The following TTC7B variants were observed in gnomAD, a reference collection of about 807,000 sequenced individuals.
The protein encoded by TTC7B is tetratricopeptide repeat domain 7B.
In TTC7B, 28 loss-of-function variants were observed where a neutral mutation model predicts 106.8. The observed-to-expected ratio is 0.26, with a 90% CI of 0.19 to 0.36. The LOEUF (loss-of-function observed/expected upper bound fraction) is 0.36, where lower values mean the gene tolerates loss of function less well. TTC7B is among the 10% of genes least tolerant of loss of function. TTC7B has a pLI of 1.00. For missense variants in TTC7B, 862 were observed against 1,076.4 expected, an observed-to-expected ratio of 0.80 and a Z score of 2.79; for synonymous variants, 405 against 430.6, an observed-to-expected ratio of 0.94 and a Z score of 0.74.
Position 90,657,106 on chromosome 14 carries a change from A to G in TTC7B, c.1341+68T>C, listed in dbSNP as rs1467220170. The G allele has an allele frequency of 2.3e-6, 3 of 1,329,450 alleles. No homozygotes were observed. Among genetic ancestry groups the G allele is most frequent in the African/African-American group, 2.9e-5 (2 of 68,766 alleles). The allele number at this position is 1,329,450 out of a possible 1,614,324, so 82.4% of individuals were successfully genotyped here. A position where few individuals can be genotyped will look rare whatever the true frequency, so the allele number is the denominator to read the frequency against. On this transcript the variant is annotated intron_variant, in intron 11 of 19. Coordinates refer to ENST00000328459, the MANE Select transcript of TTC7B (RefSeq NM_001010854.2). The surrounding 1 kb of genome is among the most constrained non-coding windows in gnomAD (Gnocchi z 4.2). ...CCTCGCTTTCTCTCTGTGCCTCGAC[A>G]TGAAAAAAATGGGCAGTCCTGGCCC... is the stretch of plus-strand genomic sequence containing the variant.
At chr14:90,597,405 C>T (rs1892247968) in intron 17 of TTC7B, among the ~76,000 whole-genome samples, 1 of 152,136 alleles carries the variant, frequency 6.6e-6, no homozygotes, top group Non-Finnish European at 1.5e-5. Context: ...TGCCTGTAAC[C>T]CCAGCACCGT....
At chr14:90,650,504 C>G (rs11621891) in intron 13 of TTC7B, among the ~76,000 whole-genome samples, 18,983 of 152,130 alleles carry the variant, frequency 0.12, 1,259 homozygotes, top group African/African-American at 0.17. Context: ...GCTGATCACC[C>G]TATATGCACA....
intron 17 of TTC7B, among the ~76,000 whole-genome samples, chr14:90,598,003 G>A (rs1254069913): frequency 6.6e-6 from 1 of 152,246 alleles, no homozygotes; most frequent in Non-Finnish European, 1.5e-5. Context: ...AGGTTCAACA[G>A]GTAAGCCAGG....
chr14:90,656,913 T>C (rs1885968214), intron 11 of TTC7B, among the ~76,000 whole-genome samples: 1 of 152,182 alleles, frequency 6.6e-6, no homozygotes, highest in South Asian at 2.1e-4. Flanking sequence ...TATAATTCTG[T>C]CTTATTATCA....
intron 19 of TTC7B, among the ~76,000 whole-genome samples, chr14:90,548,820 A>T (rs1889948296): frequency 6.6e-6 from 1 of 152,162 alleles, no homozygotes; most frequent in South Asian, 2.1e-4. Context: ...CTTGCCATGG[A>T]GAGGGTGAAA....
chr14:90,800,764 T>C (rs1439461020), intron 1 of TTC7B, among the ~76,000 whole-genome samples: 1 of 151,896 alleles, frequency 6.6e-6, no homozygotes, highest in Non-Finnish European at 1.5e-5. Flanking sequence ...TGAGCCAAGA[T>C]TGCGCCACTG....
chr14:90,635,215 T>C (rs559374149), intron 15 of TTC7B, among the ~76,000 whole-genome samples: 1 of 152,238 alleles, frequency 6.6e-6, no homozygotes, highest in African/African-American at 2.4e-5. Context: ...TAAAATTTCT[T>C]GGGTAATCAC....
At chr14:90,723,528 G>A (rs999845222) in intron 5 of TTC7B, among the ~76,000 whole-genome samples, 1 of 152,012 alleles carries the variant, frequency 6.6e-6, no homozygotes, top group African/African-American at 2.4e-5. Flanking sequence ...TCTGATTCTT[G>A]AACACTCCAA....
At chr14:90,641,204 T>TA (rs1402074452) in intron 15 of TTC7B, among the ~76,000 whole-genome samples, 2 of 152,210 alleles carry the variant, frequency 1.3e-5, no homozygotes, top group Non-Finnish European at 1.5e-5. Context: ...TCAAAGTACT[T>TA]AAACAGCAAG....
intron 17 of TTC7B, among the ~76,000 whole-genome samples, chr14:90,610,192 C>A (rs1158989354): frequency 1.3e-5 from 2 of 152,218 alleles, no homozygotes; most frequent in Non-Finnish European, 2.9e-5. Context: ...GGGGTCTACT[C>A]CCCTGTAGTT....
At chr14:90,720,263 A>G (rs1028022637) in intron 5 of TTC7B, among the ~76,000 whole-genome samples, 1 of 152,032 alleles carries the variant, frequency 6.6e-6, no homozygotes. Flanking sequence ...ATGACCACCA[A>G]TTGTAGGTTA....
At chr14:90,695,756 T>C (rs1887721204) in intron 5 of TTC7B, among the ~76,000 whole-genome samples, 178 bp from the exon 6 acceptor site, 1 of 152,220 alleles carries the variant, frequency 6.6e-6, no homozygotes, top group Admixed American at 6.5e-5. Context: ...CTAAGATTGA[T>C]GGCCTTTTGT....
chr14:90,562,276 C>T (rs1404032786), intron 19 of TTC7B, among the ~76,000 whole-genome samples: 1 of 152,198 alleles, frequency 6.6e-6, no homozygotes, highest in African/African-American at 2.4e-5. Context: ...GCATCTTACC[C>T]AACCAGGCTC....
At chr14:90,811,200 A>C (rs2030884006) in intron 1 of TTC7B, among the ~76,000 whole-genome samples, 1 of 152,202 alleles carries the variant, frequency 6.6e-6, no homozygotes, top group Non-Finnish European at 1.5e-5. Context: ...GTCTGCCACA[A>C]AGGTGTGGTC....
chr14:90,587,462 C>A (rs1240103845), intron 18 of TTC7B, among the ~76,000 whole-genome samples: 1 of 152,166 alleles, frequency 6.6e-6, no homozygotes, highest in East Asian at 1.9e-4. Flanking sequence ...GCTCAGGCTG[C>A]CCCCAGGTCT....
At chr14:90,677,805 C>T in intron 8 of TTC7B, 1 of 454,766 alleles carries the variant, frequency 2.2e-6, no homozygotes, top group Non-Finnish European at 4.4e-6. Context: ...CTTTTAGCCA[C>T]CCATCAGTAC....
intron 3 of TTC7B, among the ~76,000 whole-genome samples, chr14:90,752,115 T>TA (rs1297967013): frequency 6.6e-6 from 1 of 152,210 alleles, no homozygotes; most frequent in Non-Finnish European, 1.5e-5. Context: ...GAGGACCCTC[T>TA]ATACTTTTAA....
intron 5 of TTC7B, among the ~76,000 whole-genome samples, chr14:90,702,453 A>G (rs1449806740): frequency 6.6e-6 from 1 of 152,234 alleles, no homozygotes; most frequent in East Asian, 1.9e-4. Flanking sequence ...GAATTAAACT[A>G]GTCAGTAAAT....
intron 3 of TTC7B, 67 bp downstream of exon 3, chr14:90,780,671 G>A: frequency 2.0e-6 from 3 of 1,532,228 alleles, no homozygotes; most frequent in Non-Finnish European, 2.6e-6. Context: ...GGGTCAAATA[G>A]GCAGCTCCGA....
Sources: gnomAD v4.1 joint callset for allele counts (sites outside exome capture counted in the v4.1 genomes callset) on GRCh38, gnomAD v4.1.1 for gene constraint, Gnocchi (gnomAD v3.1) non-coding constraint, MANE v1.5 for transcripts, NCBI Gene and HGNC (gene_info 2026-07-23, HGNC 2026-07-21) for gene names.